INPP5D: variants seen among roughly 807,000 people sequenced by gnomAD.
INPP5D encodes the protein phosphatidylinositol 3,4,5-trisphosphate 5-phosphatase 1.
A neutral mutation model predicts 122.9 loss-of-function variants in INPP5D; 33 were observed. The ratio of observed to expected loss-of-function variants is 0.27; its 90% CI spans 0.20 to 0.36. INPP5D has a LOEUF of 0.36. Ranked by LOEUF, INPP5D falls within the 10% of genes least tolerant of loss-of-function variation. INPP5D has a pLI of 1.00. For synonymous variants in INPP5D, 584 were observed against 576.2 expected, an observed-to-expected ratio of 1.01 and a Z score of -0.19; for missense variants, 1,053 against 1,412.7, an observed-to-expected ratio of 0.75 and a Z score of 4.08.
In INPP5D at chr2:233,194,290, C is replaced by G. The variant is rs560736667; in HGVS notation, c.2596+329C>G. ...GGACCCAGTGTACCAAGCGAACCTA[C>G]GTCTTGTTAAATGGCTCCTTCCAGG... On this transcript the variant is annotated intron_variant, in intron 23 of 26. Transcript: ENST00000445964. Among the ~76,000 whole-genome samples the G allele has an allele frequency of 9.2e-5, 14 of 152,250 alleles. No individual in the cohort carries two copies. In the South Asian group the frequency reaches 1.9e-3, roughly 20 times the overall value.
intron 1 of INPP5D, among the ~76,000 whole-genome samples, chr2:233,077,702 A>T (rs563741364): frequency 2.3e-4 from 34 of 150,538 alleles, no homozygotes; most frequent in African/African-American, 8.0e-4. Flanking sequence ...TCTACTAAAA[A>T]TACAAAAATT....
At chr2:233,129,281 A>G (rs1289804747) in intron 4 of INPP5D, among the ~76,000 whole-genome samples, 1 of 152,236 alleles carries the variant, frequency 6.6e-6, no homozygotes, top group Non-Finnish European at 1.5e-5. Context: ...AATTAGTAAT[A>G]ATATCTGAGT....
intron 22 of INPP5D, among the ~76,000 whole-genome samples, chr2:233,191,825 G>A (rs775785607): frequency 2.0e-4 from 31 of 152,184 alleles, no homozygotes; most frequent in Non-Finnish European, 3.7e-4. Flanking sequence ...ATTTGAAATG[G>A]AAAACCTTTG....
At chr2:233,194,406 C>A (rs1339782309) in intron 23 of INPP5D, among the ~76,000 whole-genome samples, 1 of 151,864 alleles carries the variant, frequency 6.6e-6, no homozygotes, top group African/African-American at 2.4e-5. Flanking sequence ...ATGGTGCCCA[C>A]TCCCATATAC....
chr2:233,167,758 A>G (rs1694383010), intron 13 of INPP5D, among the ~76,000 whole-genome samples: 1 of 152,122 alleles, frequency 6.6e-6, no homozygotes, highest in African/African-American at 2.4e-5. Flanking sequence ...TAATCCTAGC[A>G]CTTTGGGAGG....
In INPP5D at chr2:233,189,926, A is replaced by T. The variant is rs1695008410; in HGVS notation, c.2435A>T (p.Asp812Val). ...ATCAGCATCAAGTCCTCTGACAGCG[A>T]CGAATCCTATGGTAAGGGTCTGTGG... is the stretch of plus-strand genomic sequence containing the variant. ...ILISIKSSDS[D>V]ESYGEGCIAL... The change falls in exon 22 of 27, where the codon GAC becomes GTC. Residue 812 changes from aspartate to valine, a missense_variant. Physicochemically the swap from Asp to Val is radical, Grantham distance 152. This residue lies in a region of INPP5D where 258 missense variants were observed against 439.1 expected (regional missense o/e 0.59). Coordinates refer to ENST00000445964, the MANE Select transcript of INPP5D (RefSeq NM_001017915.3). This position sits in a 1 kb window ranked among gnomAD's most constrained non-coding sequence, Gnocchi z 5.6. 1 of 1,613,438 alleles carries T rather than the reference A, an allele frequency of 6.2e-7. No homozygotes were observed. The highest frequency in any genetic ancestry group is 1.7e-5 in the Admixed American group (1 of 59,972).
At chr2:233,117,496 C>T (rs553567205) in intron 2 of INPP5D, among the ~76,000 whole-genome samples, 101 of 152,334 alleles carry the variant, frequency 6.6e-4, no homozygotes, top group Non-Finnish European at 1.3e-3. Flanking sequence ...CTGCCCTGCT[C>T]GCATCCTGTA....
chr2:233,130,354 A>G (rs1363269819), intron 4 of INPP5D, among the ~76,000 whole-genome samples, 154 bp from the exon 5 acceptor site: 1 of 152,180 alleles, frequency 6.6e-6, no homozygotes, highest in Non-Finnish European at 1.5e-5. Context: ...GACCACGGGA[A>G]CCTTCGTCCA....
rs145330887 is a variant in INPP5D at position 233,074,989 on chromosome 2, A to G, written c.135-4346A>G. On this transcript the variant is annotated intron_variant, in intron 1 of 26. Coordinates refer to ENST00000445964, the MANE Select transcript of INPP5D (RefSeq NM_001017915.3). ...CACGATGATGTTTCTTCCTACTTCCACGGGCTTGTCCTCCCATATTAGAGT... is the reference window on the plus strand; with the variant it reads ...CACGATGATGTTTCTTCCTACTTCCGCGGGCTTGTCCTCCCATATTAGAGT... 4.4e-3 allele frequency among the ~76,000 whole-genome samples: 672 copies of G among 152,272 alleles called. 1 individual carries two copies. The highest frequency in any genetic ancestry group is 0.017 in the Middle Eastern group (5 of 294).
intron 1 of INPP5D, among the ~76,000 whole-genome samples, chr2:233,077,956 G>A (rs777253530): frequency 9.9e-5 from 15 of 152,126 alleles, no homozygotes; most frequent in Non-Finnish European, 2.1e-4. Context: ...AGTGTGTGGA[G>A]CTTCTACACT....
chr2:233,084,797 G>C (rs771715397), intron 2 of INPP5D, among the ~76,000 whole-genome samples: 1 of 152,242 alleles, frequency 6.6e-6, no homozygotes, highest in African/African-American at 2.4e-5. Flanking sequence ...AGCCTAGCAC[G>C]GCCAGGGCTG....
chr2:233,163,982 G>A, intron 12 of INPP5D, 79 bp downstream of exon 12: 4 of 1,525,996 alleles, frequency 2.6e-6, no homozygotes, highest in East Asian at 4.7e-5. Context: ...GGCAAGGGTG[G>A]GCTCAGCCTA....
At chr2:233,134,908 A>G (rs1175166288) in intron 5 of INPP5D, among the ~76,000 whole-genome samples, 36 of 152,196 alleles carry the variant, frequency 2.4e-4, no homozygotes. Context: ...ATTAAATCAC[A>G]AAACAGAGTA....
intron 1 of INPP5D, among the ~76,000 whole-genome samples, chr2:233,073,746 T>C (rs1273729213): frequency 6.6e-6 from 1 of 152,132 alleles, no homozygotes; most frequent in East Asian, 1.9e-4. Flanking sequence ...CTCTCTTTTT[T>C]AAATCTTTGT....
intron 22 of INPP5D, among the ~76,000 whole-genome samples, chr2:233,191,758 G>A (rs1182279504): frequency 6.6e-6 from 1 of 152,176 alleles, no homozygotes; most frequent in African/African-American, 2.4e-5. Flanking sequence ...GCATGAGGAG[G>A]GAGGCAGAGG....
At chr2:233,066,060 C>T (rs886901511) in intron 1 of INPP5D, among the ~76,000 whole-genome samples, 7 of 151,970 alleles carry the variant, frequency 4.6e-5, no homozygotes, top group South Asian at 2.1e-4. Flanking sequence ...CTTGATCAAG[C>T]GATCCTCCTG....
intron 1 of INPP5D, among the ~76,000 whole-genome samples, chr2:233,066,341 A>T (rs4973064): frequency 6.6e-6 from 1 of 152,280 alleles, no homozygotes; most frequent in African/African-American, 2.4e-5. Flanking sequence ...ACAGCCAGGC[A>T]TTTCTCCCCA....
Position 233,204,690 on chromosome 2 carries a change from A to G in INPP5D, c.3540A>G (p.Pro1180=). Residue 1180 remains proline (P), a synonymous_variant, in exon 26 of 27, where the codon CCA becomes CCG. Coordinates refer to ENST00000445964, the MANE Select transcript of INPP5D (RefSeq NM_001017915.3). ...AGCACCGGCCGGAGGAGGGGCCACC[A>G]GGGCCTCTAGGCAGGACTGCCATGC... The part of the protein sequence containing the change: ...HGKHRPEEGP[P]GPLGRTAMQ The G allele has an allele frequency of 3.2e-6, 5 of 1,553,380 alleles. No individual in the cohort carries two copies. The highest frequency in any genetic ancestry group is 4.3e-6 in the Non-Finnish European group (5 of 1,152,278).
At chr2:233,079,979 G>C (rs1012677047) in intron 2 of INPP5D, among the ~76,000 whole-genome samples, 11 of 152,060 alleles carry the variant, frequency 7.2e-5, no homozygotes, top group African/African-American at 2.7e-4. Flanking sequence ...ACCCAGGCTG[G>C]AGTGCAGTGG....
Sources: gnomAD v4.1 joint callset for allele counts (sites outside exome capture counted in the v4.1 genomes callset) on GRCh38, gnomAD v4.1.1 for gene constraint, gnomAD v4.1.1 regional missense constraint, Gnocchi (gnomAD v3.1) non-coding constraint, MANE v1.5 for transcripts, NCBI Gene and HGNC (gene_info 2026-07-23, HGNC 2026-07-21) for gene names.